Variants in ZNF585A observed in about 807,000 individuals in gnomAD.
The protein encoded by ZNF585A is zinc finger protein 585A.
A neutral mutation model predicts 14.9 loss-of-function variants in ZNF585A; 9 were observed. That is an observed-to-expected ratio of 0.60 (90% confidence interval 0.36 to 1.05). ZNF585A has a LOEUF of 1.05. ZNF585A is among the 50% of genes least tolerant of loss of function. The pLI is 0.01. For synonymous variants in ZNF585A, 276 were observed against 319.9 expected, an observed-to-expected ratio of 0.86 and a Z score of 1.46; for missense variants, 726 against 926.4, an observed-to-expected ratio of 0.78 and a Z score of 2.81.
intron 2 of ZNF585A, among the ~76,000 whole-genome samples, chr19:37,157,443 T>A (rs1291792453): frequency 6.6e-6 from 1 of 152,094 alleles, no homozygotes; most frequent in African/African-American, 2.4e-5. Context: ...CAGACTGAAG[T>A]TTTTTAAAAA....
In ZNF585A at chr19:37,152,350, T is replaced by G; in HGVS notation, c.1549A>C (p.Thr517Pro). The G allele has an allele frequency of 6.2e-7, 1 of 1,613,996 alleles. No homozygotes were observed. Residue 517 changes from threonine (T) to proline (P), a missense_variant, in exon 5 of 5, where the codon ACT (threonine) becomes CCT (proline). By Grantham distance (38) the Thr-to-Pro change is conservative. Coordinates refer to ENST00000292841, the MANE Select transcript of ZNF585A (RefSeq NM_001288800.2). ...TTGCATTCATAAGGCTTCTCCCCAG[T>G]ATGGATTCTCTGATGTGTAATCAAG... ...SDLITHQRIH[T>P]GEKPYECNTC... is the part of the protein sequence containing the mutation.
intron 2 of ZNF585A, among the ~76,000 whole-genome samples, chr19:37,161,735 A>G (rs1568497238): frequency 1.3e-5 from 2 of 152,296 alleles, no homozygotes; most frequent in South Asian, 4.1e-4. Context: ...CTTAATGAAT[A>G]TTGAATACAA....
Position 37,150,087 on chromosome 19 carries a change from G to GA in ZNF585A, c.*1501_*1502insT, listed in dbSNP as rs1329843220. 3 of 140,266 alleles carry GA rather than the reference G, an allele frequency of 2.1e-5. No homozygotes were observed. The highest frequency in any genetic ancestry group is 4.7e-5 in the Non-Finnish European group (3 of 63,804). 8.7% of individuals were successfully genotyped at this position (140,266 alleles called of 1,614,324 possible). A position where few individuals can be genotyped will look rare whatever the true frequency, so the allele number is the denominator to read the frequency against. On this transcript the variant is annotated 3_prime_UTR_variant, in exon 5 of 5. Transcript: ENST00000292841. ...ATCAACAGACATTGGGCTAGTTTTT[G>GA]TTTTTTTTTTTTTTAACTGGGGTCC... is the stretch of plus-strand genomic sequence containing the variant.
intron 2 of ZNF585A, among the ~76,000 whole-genome samples, chr19:37,160,530 A>C (rs1365447555): frequency 6.6e-6 from 1 of 151,968 alleles, no homozygotes; most frequent in African/African-American, 2.4e-5. Flanking sequence ...CAAAATAATA[A>C]AACCGATAAA....
In ZNF585A at chr19:37,155,971, A is replaced by G; in HGVS notation, c.200-14T>C. On this transcript the variant is annotated splice_polypyrimidine_tract_variant and intron_variant, in intron 3 of 4. Transcript: ENST00000292841. ...GAACTTGATATCCTGTTCATGGGAA[A>G]TGATAAAGGTCTGGGTCCAGCTAAT... is the stretch of plus-strand genomic sequence containing the variant. 6.2e-7 allele frequency: 1 copy of G among 1,613,888 alleles called. No individual in the cohort carries two copies. The highest frequency in any genetic ancestry group is 8.5e-7 in the Non-Finnish European group (1 of 1,179,992).
At position 37,148,836 on chromosome 19, in the gene ZNF585A, T is replaced by A. The variant is rs1040438840; in HGVS notation, c.*2753A>T. 6.6e-6 allele frequency: 1 copy of A among 152,038 alleles called. No individual in the cohort carries two copies. The highest frequency in any genetic ancestry group is 2.4e-5 in the African/African-American group (1 of 41,394). The allele number at this position is 152,038 out of a possible 1,614,324, so 9.4% of individuals were successfully genotyped here. On this transcript the variant is annotated 3_prime_UTR_variant, in exon 5 of 5. Transcript: ENST00000292841. Reference sequence around the variant, plus strand: ...TTTGGCTCTAAAAAGAAATGCATTATCAAGCCATGAAAAGACATGGAGGAA... The same window carrying A: ...TTTGGCTCTAAAAAGAAATGCATTAACAAGCCATGAAAAGACATGGAGGAA...
At chr19:37,168,283 T>C (rs1389159507) in intron 2 of ZNF585A, among the ~76,000 whole-genome samples, 1 of 152,196 alleles carries the variant, frequency 6.6e-6, no homozygotes, top group Non-Finnish European at 1.5e-5. Flanking sequence ...CCCTGACCGC[T>C]GAGAGTTAGC....
rs758716397 is a variant in ZNF585A at position 37,151,807 on chromosome 19, A to C, written c.2092T>G (p.Ser698Ala). The change falls in exon 5 of 5, where the codon TCT (serine) becomes GCT (alanine). Residue 698 changes from serine (S) to alanine (A), a missense_variant. Ser to Ala is a moderately conservative substitution (Grantham distance 99). Around this residue, in one of 2 missense-constraint regions of ZNF585A, gnomAD observed 243 missense variants for 383.6 expected, o/e 0.63. Coordinates refer to ENST00000292841, the MANE Select transcript of ZNF585A (RefSeq NM_001288800.2). ...TGGAGCTGTGATTTTTTAGTGAAAG[A>C]CTTCCCACAGTCACTGCACTCATAA... Reference protein sequence around the residue: ...KPYECSDCGKSFTKKSQLQVH... With the variant: ...KPYECSDCGKAFTKKSQLQVH... 3 of 1,612,574 alleles carry C rather than the reference A, an allele frequency of 1.9e-6. No homozygotes were observed. In the South Asian group the frequency reaches 3.3e-5, roughly 18 times the overall value.
Position 37,145,925 on chromosome 19 carries a change from A to G in ZNF585A, c.*5664T>C, listed in dbSNP as rs1971736429. The G allele has an allele frequency of 6.6e-6, 1 of 152,246 alleles. No homozygotes were observed. The highest frequency in any genetic ancestry group is 1.9e-4 in the East Asian group (1 of 5,204). 9.4% of individuals were successfully genotyped at this position (152,246 alleles called of 1,614,324 possible). ...AATGACAAGGATTCTGATATTTGTT[A>G]TAAAGTATAATTGTGTTGATTATAT... is the stretch of plus-strand genomic sequence containing the variant. On this transcript the variant is annotated 3_prime_UTR_variant, in exon 5 of 5. Coordinates refer to ENST00000292841, the MANE Select transcript of ZNF585A (RefSeq NM_001288800.2).
intron 2 of ZNF585A, chr19:37,165,508 TA>T (rs1972077492): frequency 7.4e-6 from 2 of 269,472 alleles, no homozygotes; most frequent in Admixed American, 6.5e-5. Flanking sequence ...GTTTTTGAGA[TA>T]TTTTACAATT....
chr19:37,151,935 G>A lies in ZNF585A; in HGVS notation c.1964C>T (p.Thr655Ile). ...GRSNLSKHQKTHTGEKPYICS... is the reference protein window; with the variant it reads ...GRSNLSKHQKIHTGEKPYICS... ...AATGTAGGGCTTTTCTCCGGTATGA[G>A]TTTTCTGGTGCTTACTGAGATTTGA... The change falls in exon 5 of 5, where the codon ACT becomes ATT. Residue 655 changes from threonine (T) to isoleucine (I), a missense_variant. Thr to Ile is a moderately conservative substitution (Grantham distance 89). This residue lies in a region of ZNF585A where 243 missense variants were observed against 383.6 expected (regional missense o/e 0.63). Transcript: ENST00000292841. 1 of 1,612,194 alleles carries A rather than the reference G, an allele frequency of 6.2e-7. No homozygotes were observed. The highest frequency in any genetic ancestry group is 8.5e-7 in the Non-Finnish European group (1 of 1,179,224).
At chr19:37,163,789 A>G (rs1183603239) in intron 2 of ZNF585A, among the ~76,000 whole-genome samples, 1 of 152,020 alleles carries the variant, frequency 6.6e-6, no homozygotes, top group Non-Finnish European at 1.5e-5. Flanking sequence ...AAACATTCCA[A>G]ATTACATGGA....
intron 2 of ZNF585A, among the ~76,000 whole-genome samples, chr19:37,159,619 T>C (rs1013527321): frequency 2.6e-5 from 4 of 152,098 alleles, no homozygotes; most frequent in South Asian, 4.1e-4. Context: ...CAAGCACCCA[T>C]AGAAAAGTGA....
chr19:37,171,148 G>C (rs1972174592), intron 1 of ZNF585A, among the ~76,000 whole-genome samples: 1 of 152,110 alleles, frequency 6.6e-6, no homozygotes, highest in African/African-American at 2.4e-5. Context: ...AATGCCAGCA[G>C]GACTGATCAC....
At position 37,151,542 on chromosome 19, in the gene ZNF585A, G is replaced by A. The variant is rs750986301; in HGVS notation, c.*47C>T. ...TTTTCTGCTGCATGCGTGCAACAGT[G>A]TACAATCAGACCCAACCCTCAGGGG... is the stretch of plus-strand genomic sequence containing the variant. On this transcript the variant is annotated 3_prime_UTR_variant, in exon 5 of 5. Coordinates refer to ENST00000292841, the MANE Select transcript of ZNF585A (RefSeq NM_001288800.2). The A allele has an allele frequency of 5.2e-6, 8 of 1,536,336 alleles. No homozygotes were observed. The highest frequency in any genetic ancestry group is 2.2e-5 in the East Asian group (1 of 44,500).
intron 3 of ZNF585A, 105 bp from the exon 4 acceptor site, chr19:37,156,062 C>T: frequency 6.4e-7 from 1 of 1,568,058 alleles, no homozygotes; most frequent in African/African-American, 1.4e-5. Context: ...AGAAAAGTAA[C>T]CATAACTTTT....
In ZNF585A at chr19:37,151,564, G is replaced by A. The variant is rs1971828759; in HGVS notation, c.*25C>T. ...AGTGTACAATCAGACCCAACCCTCA[G>A]GGGGGTTTTCTCACACTGTTTCTCT... On this transcript the variant is annotated 3_prime_UTR_variant, in exon 5 of 5. Coordinates refer to ENST00000292841, the MANE Select transcript of ZNF585A (RefSeq NM_001288800.2). 1.3e-6 allele frequency: 2 copies of A among 1,588,198 alleles called. No homozygotes were observed. The highest frequency in any genetic ancestry group is 1.2e-5 in the South Asian group (1 of 86,022).
intron 4 of ZNF585A, among the ~76,000 whole-genome samples, chr19:37,154,096 A>G (rs377528026): frequency 6.6e-6 from 1 of 152,238 alleles, no homozygotes; most frequent in Non-Finnish European, 1.5e-5. Flanking sequence ...GTATGGTACA[A>G]ATGACTCATC....
intron 1 of ZNF585A, chr19:37,172,365 C>G (rs1008845817): frequency 6.6e-6 from 1 of 152,146 alleles, no homozygotes; most frequent in Non-Finnish European, 1.5e-5. Context: ...AGAAAGCAAG[C>G]TGATTACAGT....
Sources: gnomAD v4.1 joint callset for allele counts (sites outside exome capture counted in the v4.1 genomes callset) on GRCh38, gnomAD v4.1.1 for gene constraint, gnomAD v4.1.1 regional missense constraint, MANE v1.5 for transcripts, NCBI Gene and HGNC (gene_info 2026-07-23, HGNC 2026-07-21) for gene names.